The following TTC28 variants were observed in gnomAD, a reference collection of about 807,000 sequenced individuals.
TTC28 encodes tetratricopeptide repeat protein 28.
Under a neutral mutation model 198.0 loss-of-function variants are expected in TTC28, and 61 were observed. That is an observed-to-expected ratio of 0.31 (90% CI 0.25 to 0.38). The LOEUF is 0.38. TTC28 is among the 10% of genes least tolerant of loss of function. The pLI is 1.00. For synonymous variants in TTC28, 1,171 were observed against 1,297.8 expected (o/e 0.90, Z 2.10); for missense variants, 2,678 against 3,164.0 (o/e 0.85, Z 3.69).
chr22:28,035,327 C>T (rs1939295876), intron 12 of TTC28, among the ~76,000 whole-genome samples: 2 of 152,204 alleles, frequency 1.3e-5, no homozygotes, highest in African/African-American at 2.4e-5. Context: ...GCTCCTACAC[C>T]GCTGGCCCCG....
chr22:28,256,237 C>T (rs1234311767), intron 5 of TTC28, among the ~76,000 whole-genome samples: 1 of 151,638 alleles, frequency 6.6e-6, no homozygotes, highest in South Asian at 2.1e-4. Flanking sequence ...GCCTGGACAA[C>T]AAAGCGAAAC....
chr22:28,055,489 G>A (rs774290640), intron 12 of TTC28, among the ~76,000 whole-genome samples: 20 of 152,286 alleles, frequency 1.3e-4, no homozygotes, highest in Admixed American at 5.2e-4. Flanking sequence ...GAAGGACATC[G>A]AAGATTTAGA....
At chr22:28,296,095 T>A in intron 5 of TTC28, 103 bp downstream of exon 5, 1 of 1,232,810 alleles carries the variant, frequency 8.1e-7, no homozygotes, top group Non-Finnish European at 1.1e-6. Context: ...CTTCTGAAAG[T>A]AATATTTTAA....
chr22:28,475,149 C>CAAAAAAAAA (rs386395148), intron 2 of TTC28, among the ~76,000 whole-genome samples: 155 of 64,856 alleles, frequency 2.4e-3, no homozygotes, highest in Non-Finnish European at 2.8e-3. Flanking sequence ...GACTCCATCT[C>CAAAAAAAAA]AAAAAAAAAA....
intron 6 of TTC28, among the ~76,000 whole-genome samples, chr22:28,154,763 T>C (rs1389579182): frequency 3.3e-5 from 5 of 152,224 alleles, no homozygotes; most frequent in African/African-American, 1.2e-4. Flanking sequence ...ATCTAAAGAC[T>C]TTAAATCATT....
chr22:28,372,923 G>C (rs2046359631), intron 2 of TTC28, among the ~76,000 whole-genome samples: 1 of 152,128 alleles, frequency 6.6e-6, no homozygotes, highest in African/African-American at 2.4e-5. Context: ...ATCCCTTCCA[G>C]AACAGTGTAT....
chr22:28,606,557 G>T (rs1361980241), intron 2 of TTC28, among the ~76,000 whole-genome samples: 1 of 152,096 alleles, frequency 6.6e-6, no homozygotes, highest in Non-Finnish European at 1.5e-5. Flanking sequence ...CTGGAATGGG[G>T]AATGGGGTGA....
chr22:28,529,286 C>T (rs963529464), intron 2 of TTC28, among the ~76,000 whole-genome samples: 15 of 152,318 alleles, frequency 9.8e-5, no homozygotes, highest in East Asian at 9.7e-4. Context: ...GATGGTCCCA[C>T]GCCCACGGAG....
chr22:28,188,641 G>T lies in TTC28; in HGVS notation c.934-25042C>A, dbSNP rs1311726028. Among the ~76,000 whole-genome samples, 3 of 152,276 alleles carry T rather than the reference G, an allele frequency of 2.0e-5. No homozygotes were observed. In the East Asian group the frequency reaches 5.8e-4, roughly 29 times the overall value. On this transcript the variant is annotated intron_variant, in intron 5 of 22. Transcript: ENST00000397906. ...TGTTACACTAAAAACAGGGCCGTGG[G>T]GGGTCAGTGAAAGTCTGCATCCTGA...
At chr22:28,592,744 A>T (rs1298956079) in intron 2 of TTC28, among the ~76,000 whole-genome samples, 1 of 151,826 alleles carries the variant, frequency 6.6e-6, no homozygotes, top group East Asian at 1.9e-4. Flanking sequence ...TAGGACACTG[A>T]CTCTCTTGAT....
chr22:28,012,874 T>A (rs1938215699), intron 14 of TTC28, among the ~76,000 whole-genome samples: 1 of 152,154 alleles, frequency 6.6e-6, no homozygotes, highest in African/African-American at 2.4e-5. Context: ...TCATCCTCAT[T>A]TTCTAATGAG....
intron 1 of TTC28, among the ~76,000 whole-genome samples, chr22:28,676,432 C>A (rs1188524797): frequency 1.3e-5 from 2 of 152,128 alleles, no homozygotes; most frequent in African/African-American, 4.8e-5. Context: ...TATCTAGATA[C>A]CTGTCTTGTT....
chr22:28,427,708 C>A (rs2047370610), intron 2 of TTC28, among the ~76,000 whole-genome samples: 1 of 151,840 alleles, frequency 6.6e-6, no homozygotes, highest in Non-Finnish European at 1.5e-5. Context: ...ATTATTATAT[C>A]TAATCCAAAA....
chr22:28,411,026 CTTCA>C (rs2047073112), intron 2 of TTC28, among the ~76,000 whole-genome samples: 1 of 35,446 alleles, frequency 2.8e-5, no homozygotes, highest in African/African-American at 1.1e-4. Flanking sequence ...GAAAAAAAGA[CTTCA>C]TTTTTATTCA....
At chr22:28,133,229 A>G (rs1302765681) in intron 6 of TTC28, among the ~76,000 whole-genome samples, 1 of 152,190 alleles carries the variant, frequency 6.6e-6, no homozygotes, top group Non-Finnish European at 1.5e-5. Context: ...TCTGTCTCAA[A>G]AATAAATAAA....
chr22:28,063,045 G>A (rs912177727), intron 12 of TTC28, among the ~76,000 whole-genome samples: 2 of 152,018 alleles, frequency 1.3e-5, no homozygotes, highest in African/African-American at 2.4e-5. Flanking sequence ...TTCAAAACAA[G>A]TAATTAACTT....
intron 6 of TTC28, among the ~76,000 whole-genome samples, chr22:28,118,905 C>T (rs950390400): frequency 6.6e-6 from 1 of 151,948 alleles, no homozygotes; most frequent in African/African-American, 2.4e-5. Context: ...TAAATAAATC[C>T]TTTATGGAAT....
intron 5 of TTC28, among the ~76,000 whole-genome samples, chr22:28,252,596 A>G (rs1431051894): frequency 6.6e-6 from 1 of 152,170 alleles, no homozygotes; most frequent in East Asian, 1.9e-4. Flanking sequence ...CAGACTGCCA[A>G]GTTCATCTCC....
At chr22:28,374,366 A>G (rs2046379023) in intron 2 of TTC28, among the ~76,000 whole-genome samples, 1 of 152,232 alleles carries the variant, frequency 6.6e-6, no homozygotes, top group South Asian at 2.1e-4. Context: ...ATACCTATAT[A>G]TTGAATGCTC....
Sources: allele counts gnomAD v4.1 joint callset (sites outside exome capture counted in the v4.1 genomes callset), GRCh38; gene constraint gnomAD v4.1.1; transcripts MANE v1.5; gene names NCBI Gene and HGNC (gene_info 2026-07-23, HGNC 2026-07-21).